The following TRIM36 variants were observed in gnomAD, a reference collection of about 807,000 sequenced individuals.
TRIM36 encodes E3 ubiquitin-protein ligase TRIM36.
TRIM36 carries 42 observed loss-of-function variants against 72.4 expected under a neutral mutation model. That is an observed-to-expected ratio of 0.58 (90% CI 0.45 to 0.75). The LOEUF (loss-of-function observed/expected upper bound fraction) is 0.75, where lower values mean the gene tolerates loss of function less well. TRIM36 is among the 30% of genes least tolerant of loss of function. The probability of loss-of-function intolerance (pLI) is 0.00; values close to 1 mark genes in which losing one functional copy is unlikely to be tolerated. For synonymous variants in TRIM36, 315 were observed against 282.8 expected (o/e 1.11, Z -1.14); for missense variants, 913 against 857.1 (o/e 1.07, Z -0.81).
chr5:115,159,549 C>A, intron 2 of TRIM36: 1 of 412,230 alleles, frequency 2.4e-6, no homozygotes, highest in South Asian at 1.8e-5. Flanking sequence ...GAAGACTTGA[C>A]CACTGATGTT....
chr5:115,131,017 C>G, intron 8 of TRIM36, 128 bp from the exon 9 acceptor site: 1 of 1,062,544 alleles, frequency 9.4e-7, no homozygotes, highest in Non-Finnish European at 1.3e-6. Flanking sequence ...CACACTACCC[C>G]GGACAACTAT....
At chr5:115,179,573 C>G (rs750802441) in intron 1 of TRIM36, among the ~76,000 whole-genome samples, 7 of 152,256 alleles carry the variant, frequency 4.6e-5, no homozygotes, top group Non-Finnish European at 1.0e-4. Context: ...TCCCTCCACG[C>G]TCCGCGCCCA....
At chr5:115,178,849 G>T (rs1233429905) in intron 1 of TRIM36, among the ~76,000 whole-genome samples, 1 of 152,180 alleles carries the variant, frequency 6.6e-6, no homozygotes, top group Non-Finnish European at 1.5e-5. Flanking sequence ...GACTTTTTAG[G>T]CTAAGAGTGC....
At chr5:115,168,236 T>G (rs1293599523) in intron 1 of TRIM36, among the ~76,000 whole-genome samples, 1 of 152,168 alleles carries the variant, frequency 6.6e-6, no homozygotes, top group Non-Finnish European at 1.5e-5. Context: ...CTACAACTGC[T>G]CTCAATACTA....
upstream of TRIM36, among the ~76,000 whole-genome samples, chr5:115,172,649 T>C (rs1455049353): frequency 1.3e-5 from 2 of 151,536 alleles, no homozygotes; most frequent in African/African-American, 4.9e-5. Context: ...GGCAGGAGAA[T>C]CACTTGAAAC....
rs1298875170 is a variant in TRIM36, at chr5:115,169,601, C to T, written c.27+7G>A. 4 of 1,521,644 alleles carry T rather than the reference C, an allele frequency of 2.6e-6. No individual in the cohort carries two copies. In the Admixed American group the frequency reaches 6.2e-5, roughly 24 times the overall value. The allele number at this position is 1,521,644 out of a possible 1,614,324, so 94.3% of individuals were successfully genotyped here. On this transcript the variant is annotated splice_region_variant and intron_variant, in intron 1 of 9. Coordinates refer to ENST00000513154, the MANE Select transcript of TRIM36 (RefSeq NM_001300759.2). ...GAGGTGGGGGCGGCGGTCCCCTCCG[C>T]ACTCACCGGCGAATCTGAGCCATCG... is the stretch of plus-strand genomic sequence containing the variant.
In TRIM36 at chr5:115,128,758, C is replaced by CAAAAAAAAAAAA. The variant is rs58384978; in HGVS notation, c.1796+1822_1796+1833dup. ...TGGGCGACAGAGCGAGACTCCGTCT[C>CAAAAAAAAAAAA]AAAAAAAAAAAAAAAAAAAAAAAAA... On this transcript the variant is annotated intron_variant, in intron 9 of 9. Transcript: ENST00000513154. Among the ~76,000 whole-genome samples the CAAAAAAAAAAAA allele has an allele frequency of 2.5e-3, 118 of 47,000 alleles. 1 individual carries two copies. The highest frequency in any genetic ancestry group is 4.1e-3 in the South Asian group (3 of 724). The allele number at this position is 47,000 out of a possible 152,430, so 30.8% of individuals were successfully genotyped here. A position where few individuals can be genotyped will look rare whatever the true frequency, so the allele number is the denominator to read the frequency against.
At chr5:115,144,261 CA>C (rs1271869521) in intron 4 of TRIM36, among the ~76,000 whole-genome samples, 1 of 152,160 alleles carries the variant, frequency 6.6e-6, no homozygotes, top group Non-Finnish European at 1.5e-5. Context: ...AAAACAGCCA[CA>C]ACCCTTTAAA....
rs180859502 is a variant in TRIM36, at chr5:115,126,399, G to A, written c.*104C>T. 1.7e-4 allele frequency: 144 copies of A among 853,174 alleles called. 2 individuals are homozygous for A. In the Middle Eastern group the frequency reaches 5.4e-3, roughly 32 times the overall value. 52.9% of individuals were successfully genotyped at this position (853,174 alleles called of 1,614,324 possible). ...CAAGAAGAATCATACTCAAACACAA[G>A]TGGGGTGACAGAACACTCAGCGATA... On this transcript the variant is annotated 3_prime_UTR_variant, in exon 10 of 10. Transcript: ENST00000513154.
At chr5:115,154,935 T>G (rs988457397) in intron 2 of TRIM36, among the ~76,000 whole-genome samples, 2 of 151,994 alleles carry the variant, frequency 1.3e-5, no homozygotes, top group African/African-American at 4.8e-5. Flanking sequence ...ATCCCAGCAC[T>G]TTGGAAGGCT....
chr5:115,145,974 G>C (rs1561431429), intron 3 of TRIM36, among the ~76,000 whole-genome samples: 2 of 152,134 alleles, frequency 1.3e-5, no homozygotes, highest in Admixed American at 1.3e-4. Context: ...ATATTGAGTA[G>C]CACTAACTAC....
At chr5:115,130,354 T>C (rs986702723) in intron 9 of TRIM36, among the ~76,000 whole-genome samples, 28 of 152,240 alleles carry the variant, frequency 1.8e-4, no homozygotes, top group Admixed American at 1.8e-3. Flanking sequence ...TGTGAAGCTA[T>C]ATCACAATTA....
chr5:115,162,008 G>C lies in TRIM36; in HGVS notation c.262+1510C>G, dbSNP rs183876849. ...TCTGGACAGCCTTAGTGGGGTGTGT[G>C]TGCGCGTGTGTCTTCTTTCATGCTA... On this transcript the variant is annotated intron_variant, in intron 2 of 9. Transcript: ENST00000513154. Among the ~76,000 whole-genome samples, 281 of 152,280 alleles carry C rather than the reference G, an allele frequency of 1.8e-3. 1 individual carries two copies. The highest frequency in any genetic ancestry group is 2.9e-3 in the Non-Finnish European group (198 of 68,024).
chr5:115,127,494 G>C (rs1752420125), intron 9 of TRIM36, among the ~76,000 whole-genome samples: 1 of 152,224 alleles, frequency 6.6e-6, no homozygotes, highest in South Asian at 2.1e-4. Flanking sequence ...CCAGGAAGCA[G>C]AAGTTGCAGT....
At chr5:115,166,745 G>A (rs1218977261) in intron 1 of TRIM36, among the ~76,000 whole-genome samples, 1 of 152,222 alleles carries the variant, frequency 6.6e-6, no homozygotes, top group African/African-American at 2.4e-5. Flanking sequence ...CTGGACTTAG[G>A]AGCTCCCCAA....
At position 115,139,944 on chromosome 5, in the gene TRIM36, C is replaced by T. The variant is rs376892101; in HGVS notation, c.831+1335G>A. The stretch of plus-strand genomic sequence containing the variant: ...GTGAAGAGCAGCAGGACTGAGAGGA[C>T]CAACAAACAAGGCTATTAATAAAAT... On this transcript the variant is annotated intron_variant, in intron 5 of 9. Transcript: ENST00000513154. Among the ~76,000 whole-genome samples, 4 of 152,202 alleles carry T rather than the reference C, an allele frequency of 2.6e-5. No individual in the cohort carries two copies. The East Asian group carries it at 7.7e-4, about 29-fold the overall frequency.
intron 1 of TRIM36, 33 bp downstream of exon 1, chr5:115,169,575 C>T: frequency 1.3e-6 from 2 of 1,504,442 alleles, no homozygotes; most frequent in Non-Finnish European, 1.8e-6. Flanking sequence ...ACACCGCCCT[C>T]GAGGTGGGGG....
chr5:115,157,153 A>T (rs1414032601), intron 2 of TRIM36, among the ~76,000 whole-genome samples: 1 of 152,176 alleles, frequency 6.6e-6, no homozygotes, highest in Non-Finnish European at 1.5e-5. Context: ...TAATAAAAAA[A>T]AAAAAAACAG....
At chr5:115,129,819 G>A (rs535026997) in intron 9 of TRIM36, among the ~76,000 whole-genome samples, 1 of 152,000 alleles carries the variant, frequency 6.6e-6, no homozygotes, top group East Asian at 1.9e-4. Context: ...TTTTCAATAT[G>A]CCTATGTTGC....
Sources: gnomAD v4.1 joint callset for allele counts (sites outside exome capture counted in the v4.1 genomes callset) on GRCh38, gnomAD v4.1.1 for gene constraint, MANE v1.5 for transcripts, NCBI Gene and HGNC (gene_info 2026-07-23, HGNC 2026-07-21) for gene names.